The following PCDHGA8 variants were observed in gnomAD, a reference collection of about 807,000 sequenced individuals.
The protein encoded by PCDHGA8 is protocadherin gamma-A8.
Under a neutral mutation model 59.2 loss-of-function variants are expected in PCDHGA8, and 45 were observed. That is an observed-to-expected ratio of 0.76 (90% CI 0.60 to 0.98). The LOEUF (loss-of-function observed/expected upper bound fraction) is 0.98, where lower values mean the gene tolerates loss of function less well. PCDHGA8 is among the 50% of genes least tolerant of loss of function. The pLI is 0.00. For missense variants in PCDHGA8, 1,257 were observed against 1,196.2 expected, an observed-to-expected ratio of 1.05 and a Z score of -0.75; for synonymous variants, 531 against 519.0, an observed-to-expected ratio of 1.02 and a Z score of -0.32.
chr5:141,474,654 T>C (rs2099352669), intron 1 of PCDHGA8, among the ~76,000 whole-genome samples: 1 of 152,250 alleles, frequency 6.6e-6, no homozygotes, highest in African/African-American at 2.4e-5. Context: ...CTTACTTCTT[T>C]TCTACCTACC....
rs998564450 is a variant in PCDHGA8 at position 141,401,627 on chromosome 5, G to T, written c.2424+6390G>T. The stretch of plus-strand genomic sequence containing the variant: ...AAAAAGACACCGGATTTGTCTTATC[G>T]TTTGGAGCTTTAAATATAAATGACT... On this transcript the variant is annotated intron_variant, in intron 1 of 3. Coordinates refer to ENST00000398604, the MANE Select transcript of PCDHGA8 (RefSeq NM_032088.2). Among the ~76,000 whole-genome samples the T allele has an allele frequency of 2.6e-5, 4 of 152,294 alleles. No homozygotes were observed. In the South Asian group the frequency reaches 8.3e-4, roughly 32 times the overall value.
rs781580216 is a variant in PCDHGA8 at position 141,430,931 on chromosome 5, G to A, written c.2424+35694G>A. The stretch of plus-strand genomic sequence containing the variant: ...CAGGGACCTGGGGCTGGAGCCCCGG[G>A]AGCTCGCGGAGCGCGGAGTCCGCAT... On this transcript the variant is annotated intron_variant, in intron 1 of 3. Coordinates refer to ENST00000398604, the MANE Select transcript of PCDHGA8 (RefSeq NM_032088.2). The A allele has an allele frequency of 1.5e-5, 24 of 1,607,530 alleles. No individual in the cohort carries two copies. In the East Asian group the frequency reaches 4.9e-4, roughly 33 times the overall value.
chr5:141,428,459 A>C, intron 1 of PCDHGA8: 2 of 350,154 alleles, frequency 5.7e-6, no homozygotes, highest in Non-Finnish European at 5.5e-6. Context: ...CCCAACTACA[A>C]TGAGGGAACT....
intron 2 of PCDHGA8, among the ~76,000 whole-genome samples, chr5:141,502,834 A>G (rs1398558120): frequency 6.7e-6 from 1 of 149,378 alleles, no homozygotes; most frequent in Non-Finnish European, 1.5e-5. Flanking sequence ...GGAAGCCTGG[A>G]CTGGCTGAGC....
At chr5:141,402,332 A>G (rs991402257) in intron 1 of PCDHGA8, among the ~76,000 whole-genome samples, 2 of 152,036 alleles carry the variant, frequency 1.3e-5, no homozygotes, top group African/African-American at 4.8e-5. Flanking sequence ...TTACAAATAT[A>G]TAGGTATAAA....
chr5:141,450,663 T>C (rs957466690), intron 1 of PCDHGA8, among the ~76,000 whole-genome samples: 1 of 151,652 alleles, frequency 6.6e-6, no homozygotes, highest in Non-Finnish European at 1.5e-5. Flanking sequence ...ATTTTTGTAC[T>C]TTTAGTAGAA....
intron 1 of PCDHGA8, among the ~76,000 whole-genome samples, chr5:141,470,888 T>C (rs2099243463): frequency 6.6e-6 from 1 of 151,912 alleles, no homozygotes; most frequent in Non-Finnish European, 1.5e-5. Context: ...GTTTTTGTTT[T>C]TGTTTTTTGT....
intron 1 of PCDHGA8, chr5:141,399,178 A>T: frequency 6.2e-7 from 1 of 1,613,892 alleles, no homozygotes; most frequent in Admixed American, 1.7e-5. Flanking sequence ...TCTACTTGAA[A>T]TGATTCTGGA....
Position 141,431,972 on chromosome 5 carries a change from G to T in PCDHGA8, c.2424+36735G>T, listed in dbSNP as rs750484866. On this transcript the variant is annotated intron_variant, in intron 1 of 3. Coordinates refer to ENST00000398604, the MANE Select transcript of PCDHGA8 (RefSeq NM_032088.2). The surrounding 1 kb of genome is among the most constrained non-coding windows in gnomAD (Gnocchi z 4.8). ...ATCTTACGGAAATTACTATAGTTTA[G>T]TCACAGACATAGTCTTGGATAGGGA... is the stretch of plus-strand genomic sequence containing the variant. The T allele has an allele frequency of 8.1e-6, 13 of 1,614,072 alleles. No homozygotes were observed. Among genetic ancestry groups the T allele is most frequent in the Non-Finnish European group, 1.1e-5 (13 of 1,180,028 alleles).
Position 141,502,866 on chromosome 5 carries a change from C to CTTTTTTTTTTTTT in PCDHGA8, c.2484-2525_2484-2513dup, listed in dbSNP as rs549047197. ...GAGCTGCCTAACCCTGACTCTCTGT[C>CTTTTTTTTTTTTT]TTTTTTTTTTTTTTGACAGGGAGTC... On this transcript the variant is annotated intron_variant, in intron 2 of 3. Transcript: ENST00000398604. Among the ~76,000 whole-genome samples, 40 of 128,010 alleles carry CTTTTTTTTTTTTT rather than the reference C, an allele frequency of 3.1e-4. 6 individuals carry two copies. The highest frequency in any genetic ancestry group is 5.1e-4 in the Admixed American group (6 of 11,656). 84.0% of individuals were successfully genotyped at this position (128,010 alleles called of 152,430 possible). A position where few individuals can be genotyped will look rare whatever the true frequency, so the allele number is the denominator to read the frequency against.
At chr5:141,396,792 A>G (rs2093435420) in intron 1 of PCDHGA8, among the ~76,000 whole-genome samples, 1 of 152,202 alleles carries the variant, frequency 6.6e-6, no homozygotes, top group Non-Finnish European at 1.5e-5. Flanking sequence ...GACATTTCCT[A>G]AGGATTGTGT....
chr5:141,421,118 T>C (rs572827470), intron 1 of PCDHGA8: 2 of 771,948 alleles, frequency 2.6e-6, no homozygotes, highest in Non-Finnish European at 2.0e-6. Context: ...GTATTTTCCT[T>C]CGCTTTCTGA....
In PCDHGA8 at chr5:141,511,774, T is replaced by C. The variant is rs1173144009; in HGVS notation, c.*601T>C. 6.2e-6 allele frequency: 1 copy of C among 160,350 alleles called. No homozygotes were observed. The highest frequency in any genetic ancestry group is 1.4e-5 in the Non-Finnish European group (1 of 72,132). The allele number at this position is 160,350 out of a possible 1,614,324, so 9.9% of individuals were successfully genotyped here. A position where few individuals can be genotyped will look rare whatever the true frequency, so the allele number is the denominator to read the frequency against. On this transcript the variant is annotated 3_prime_UTR_variant, in exon 4 of 4. Coordinates refer to ENST00000398604, the MANE Select transcript of PCDHGA8 (RefSeq NM_032088.2). ...ATGATCACCATCCCCATGGTACTGA[T>C]GCTTGCTGGATTTAGGGAGGGCATT...
At position 141,486,960 on chromosome 5, in the gene PCDHGA8, T is replaced by C; in HGVS notation, c.2425-7847T>C. On this transcript the variant is annotated intron_variant, in intron 1 of 3. Transcript: ENST00000398604. The surrounding 1 kb of genome is among the most constrained non-coding windows in gnomAD (Gnocchi z 5.0). Reference sequence around the variant, plus strand: ...CACCTAATCACAAAGGTGACTGCTGTGGACTTGGATTCAGGTTACAATGCT... The same window carrying C: ...CACCTAATCACAAAGGTGACTGCTGCGGACTTGGATTCAGGTTACAATGCT... The C allele has an allele frequency of 6.2e-7, 1 of 1,614,228 alleles. No individual in the cohort carries two copies. Among genetic ancestry groups the C allele is most frequent in the Non-Finnish European group, 8.5e-7 (1 of 1,180,034 alleles).
intron 1 of PCDHGA8, chr5:141,413,459 A>C: frequency 1.9e-6 from 3 of 1,614,080 alleles, no homozygotes; most frequent in Non-Finnish European, 2.5e-6. Flanking sequence ...GGCAGGATAG[A>C]CCGGGAGGAG....
intron 1 of PCDHGA8, among the ~76,000 whole-genome samples, chr5:141,453,047 G>A (rs930795400): frequency 1.3e-5 from 2 of 152,172 alleles, no homozygotes; most frequent in African/African-American, 4.8e-5. Context: ...TTTCTATTAT[G>A]TGCAGTTTTA....
chr5:141,484,068 G>C (rs1287427208), intron 1 of PCDHGA8, among the ~76,000 whole-genome samples: 1 of 152,114 alleles, frequency 6.6e-6, no homozygotes, highest in African/African-American at 2.4e-5. Flanking sequence ...TAAGTGAAAA[G>C]CTTGCTCTTT....
chr5:141,414,900 T>C (rs1402776790), intron 1 of PCDHGA8: 5 of 1,614,170 alleles, frequency 3.1e-6, no homozygotes, highest in Middle Eastern at 1.6e-4. Flanking sequence ...CCACAGACGG[T>C]TCCACAGGCG....
At chr5:141,471,252 T>C (rs1003162914) in intron 1 of PCDHGA8, 1 of 151,872 alleles carries the variant, frequency 6.6e-6, no homozygotes, top group Non-Finnish European at 1.5e-5. Flanking sequence ...GGTTTCACCA[T>C]GTTGGCAAGG....
Sources: allele counts gnomAD v4.1 joint callset (sites outside exome capture counted in the v4.1 genomes callset), GRCh38; gene constraint gnomAD v4.1.1; non-coding constraint Gnocchi (gnomAD v3.1); transcripts MANE v1.5; gene names NCBI Gene and HGNC (gene_info 2026-07-23, HGNC 2026-07-21).